The following STK32B variants were observed in gnomAD, a reference collection of about 807,000 sequenced individuals.
STK32B encodes serine/threonine-protein kinase 32B.
Under a neutral mutation model 52.6 loss-of-function variants are expected in STK32B, and 43 were observed. The ratio of observed to expected loss-of-function variants is 0.82; its 90% CI spans 0.64 to 1.05. STK32B has a LOEUF of 1.05. STK32B is among the 50% of genes least tolerant of loss of function. The probability of loss-of-function intolerance (pLI) is 0.00; values close to 1 mark genes in which losing one functional copy is unlikely to be tolerated. For synonymous variants in STK32B, 238 were observed against 204.3 expected, an observed-to-expected ratio of 1.17 and a Z score of -1.41; for missense variants, 621 against 534.6, an observed-to-expected ratio of 1.16 and a Z score of -1.59.
At chr4:5,257,963 G>GA (rs947972887) in intron 3 of STK32B, among the ~76,000 whole-genome samples, 1 of 151,738 alleles carries the variant, frequency 6.6e-6, no homozygotes, top group Admixed American at 6.6e-5. Context: ...AAGAAAAAAA[G>GA]AAAAAAAACA....
At chr4:5,428,536 TA>T (rs1227666989) in intron 6 of STK32B, among the ~76,000 whole-genome samples, 16 of 152,260 alleles carry the variant, frequency 1.1e-4, no homozygotes, top group African/African-American at 3.9e-4. Flanking sequence ...ACTTCTTTTC[TA>T]AAAACTGGTG....
At chr4:5,373,931 T>C (rs28505688) in intron 4 of STK32B, among the ~76,000 whole-genome samples, 12 of 152,232 alleles carry the variant, frequency 7.9e-5, no homozygotes, top group African/African-American at 2.9e-4. Flanking sequence ...AATGTCCACC[T>C]GAGACCTCAA....
intron 8 of STK32B, among the ~76,000 whole-genome samples, chr4:5,459,704 T>G (rs6848401): frequency 0.02 from 3,110 of 152,328 alleles, 112 homozygotes; most frequent in African/African-American, 0.07. Context: ...GTATAAATTT[T>G]ATTACAATTT....
At chr4:5,372,803 T>C (rs535050742) in intron 4 of STK32B, among the ~76,000 whole-genome samples, 2 of 152,112 alleles carry the variant, frequency 1.3e-5, no homozygotes, top group East Asian at 1.9e-4. Context: ...TGAATTCAGA[T>C]TGATTTTTGC....
chr4:5,140,254 C>A, intron 2 of STK32B: 1 of 1,418,176 alleles, frequency 7.1e-7, no homozygotes, highest in African/African-American at 1.4e-5. Flanking sequence ...AAAAAAAACC[C>A]ATAAACATCA....
intron 1 of STK32B, among the ~76,000 whole-genome samples, chr4:5,082,844 AT>A (rs1341498122): frequency 6.6e-6 from 1 of 151,998 alleles, no homozygotes; most frequent in Non-Finnish European, 1.5e-5. Context: ...TCCCAGGAAG[AT>A]TTTTTTTCTC....
intron 3 of STK32B, among the ~76,000 whole-genome samples, chr4:5,197,502 C>T (rs978930070): frequency 6.6e-6 from 1 of 152,214 alleles, no homozygotes; most frequent in African/African-American, 2.4e-5. Flanking sequence ...GAGCATATGT[C>T]ACCATTGGGA....
intron 4 of STK32B, among the ~76,000 whole-genome samples, chr4:5,363,401 G>A (rs1734675464): frequency 6.6e-6 from 1 of 152,186 alleles, no homozygotes; most frequent in Admixed American, 6.5e-5. Flanking sequence ...ATCCAGGGTT[G>A]GCACCAGATC....
intron 3 of STK32B, among the ~76,000 whole-genome samples, chr4:5,262,624 CA>C (rs746798812): frequency 0.071 from 5,634 of 79,352 alleles, 224 homozygotes; most frequent in African/African-American, 0.18. Context: ...GACTCCATCT[CA>C]AAAAAAAAAA....
intron 3 of STK32B, among the ~76,000 whole-genome samples, chr4:5,291,844 C>T (rs568494205): frequency 1.4e-4 from 22 of 152,030 alleles, no homozygotes; most frequent in South Asian, 4.1e-4. Flanking sequence ...GTTGAGGAAA[C>T]GCCTTTCTGT....
chr4:5,326,631 A>G (rs929195275), intron 3 of STK32B, among the ~76,000 whole-genome samples: 1 of 152,190 alleles, frequency 6.6e-6, no homozygotes, highest in Non-Finnish European at 1.5e-5. Context: ...TAAAAAGTGT[A>G]CATACTTTCA....
chr4:5,389,711 G>T (rs1736477140), intron 4 of STK32B, among the ~76,000 whole-genome samples: 1 of 151,938 alleles, frequency 6.6e-6, no homozygotes, highest in African/African-American at 2.4e-5. Context: ...GAAGGGCTGT[G>T]CAATAGACTG....
Position 5,051,878 on chromosome 4 carries a change from C to T in STK32B, c.15C>T (p.His5=), listed in dbSNP as rs148512879. 2.3e-5 allele frequency: 37 copies of T among 1,600,032 alleles called. No individual in the cohort carries two copies. Among genetic ancestry groups the T allele is most frequent in the South Asian group, 2.1e-4 (19 of 88,404 alleles). Residue 5 remains histidine (H), a synonymous_variant, in exon 1 of 12, where the codon CAC becomes CAT. Coordinates refer to ENST00000282908, the MANE Select transcript of STK32B (RefSeq NM_018401.3). ...AACGGCGGAATATGGGCGGGAACCA[C>T]TCCCACAAGCCCCCCGTGTTTGACG... MGGN[H]SHKPPVFDEN... is the part of the protein sequence containing the mutation.
intron 3 of STK32B, among the ~76,000 whole-genome samples, chr4:5,277,210 T>C (rs1381914694): frequency 6.6e-6 from 1 of 152,212 alleles, no homozygotes; most frequent in Non-Finnish European, 1.5e-5. Flanking sequence ...GACAGAATGG[T>C]GCAGAGAGTC....
At chr4:5,144,850 A>G (rs190740106) in intron 2 of STK32B, among the ~76,000 whole-genome samples, 17 of 152,082 alleles carry the variant, frequency 1.1e-4, no homozygotes, top group East Asian at 5.8e-4. Context: ...CGGAGGACCA[A>G]TTTGCTCTGG....
At chr4:5,255,041 A>G (rs975749204) in intron 3 of STK32B, among the ~76,000 whole-genome samples, 2 of 151,752 alleles carry the variant, frequency 1.3e-5, no homozygotes, top group Non-Finnish European at 1.5e-5. Flanking sequence ...ACAATGATTA[A>G]AATCAGACAT....
In STK32B at chr4:5,470,327, G is replaced by A. The variant is rs116093533; in HGVS notation, c.1106+2257G>A. Among the ~76,000 whole-genome samples, 2,324 of 152,256 alleles carry A rather than the reference G, an allele frequency of 0.015. 65 individuals are homozygous for A. Among genetic ancestry groups the A allele is most frequent in the African/African-American group, 0.052 (2,166 of 41,540 alleles). ...ATGGACACCATTGAGATTTGGCATC[G>A]GGGATTGGAAGTGAGGCTGGCATAG... On this transcript the variant is annotated intron_variant, in intron 11 of 11. Transcript: ENST00000282908. This position sits in a 1 kb window ranked among gnomAD's most constrained non-coding sequence, Gnocchi z 4.6.
intron 3 of STK32B, among the ~76,000 whole-genome samples, chr4:5,310,185 T>C (rs571306828): frequency 1.3e-5 from 2 of 151,922 alleles, no homozygotes; most frequent in East Asian, 3.9e-4. Context: ...AAAAGAGAAA[T>C]AAGTTTATGT....
At chr4:5,338,968 A>T (rs1468052861) in intron 4 of STK32B, among the ~76,000 whole-genome samples, 1 of 152,236 alleles carries the variant, frequency 6.6e-6, no homozygotes, top group African/African-American at 2.4e-5. Context: ...AGTGAACTGC[A>T]TGAAGCAGAT....
Sources: allele counts gnomAD v4.1 joint callset (sites outside exome capture counted in the v4.1 genomes callset), GRCh38; gene constraint gnomAD v4.1.1; non-coding constraint Gnocchi (gnomAD v3.1); transcripts MANE v1.5; gene names NCBI Gene and HGNC (gene_info 2026-07-23, HGNC 2026-07-21).